NELL2: variants seen among roughly 807,000 people sequenced by gnomAD.
NELL2 encodes the protein neural EGFL like 2, also known as protein kinase C-binding protein NELL2.
Under a neutral mutation model 109.6 loss-of-function variants are expected in NELL2, and 41 were observed. That is an observed-to-expected ratio of 0.37 (90% CI 0.29 to 0.49). The LOEUF (loss-of-function observed/expected upper bound fraction) is 0.49, where lower values mean the gene tolerates loss of function less well. NELL2 is among the 20% of genes least tolerant of loss of function. The pLI is 0.98. For synonymous variants in NELL2, 355 were observed against 344.7 expected (o/e 1.03, Z -0.33); for missense variants, 900 against 1,008.3 (o/e 0.89, Z 1.45).
At position 44,543,935 on chromosome 12, in the gene NELL2, T is replaced by G. The variant is rs530185896; in HGVS notation, c.1664-11214A>C. On this transcript the variant is annotated intron_variant, in intron 15 of 19. Transcript: ENST00000429094. ...TACTTGTCTGTCTAGTAAACAATAT[T>G]TAGCTGGTCACAATGATATAAACAC... is the stretch of plus-strand genomic sequence containing the variant. Among the ~76,000 whole-genome samples, 6 of 152,240 alleles carry G rather than the reference T, an allele frequency of 3.9e-5. No homozygotes were observed. In the South Asian group the frequency reaches 1.2e-3, roughly 32 times the overall value.
At chr12:44,622,597 T>A (rs147053231) in intron 13 of NELL2, among the ~76,000 whole-genome samples, 3 of 152,128 alleles carry the variant, frequency 2.0e-5, no homozygotes, top group Non-Finnish European at 4.4e-5. Context: ...AATATACAAT[T>A]TCCTAAGAAA....
chr12:44,523,252 A>G (rs1266068625), intron 17 of NELL2, 39 bp downstream of exon 17: 6 of 1,605,988 alleles, frequency 3.7e-6, no homozygotes, highest in Non-Finnish European at 5.1e-6. Context: ...GCAAATTACA[A>G]CTGAATAAAA....
chr12:44,582,466 T>C (rs1014138279), intron 15 of NELL2, among the ~76,000 whole-genome samples: 4 of 152,246 alleles, frequency 2.6e-5, no homozygotes, highest in Middle Eastern at 3.4e-3. Flanking sequence ...AGTGGTATTA[T>C]TGATGAACCT....
At chr12:44,914,811 A>C (rs1457773456), upstream of NELL2, among the ~76,000 whole-genome samples, 1 of 152,052 alleles carries the variant, frequency 6.6e-6, no homozygotes, top group Non-Finnish European at 1.5e-5. Flanking sequence ...CATCAGTAAA[A>C]ATGGCATTAA....
intron 12 of NELL2, among the ~76,000 whole-genome samples, chr12:44,693,938 T>C (rs1035509753): frequency 3.9e-5 from 6 of 152,216 alleles, no homozygotes; most frequent in African/African-American, 1.4e-4. Flanking sequence ...AAAGCTGTTT[T>C]ATGTAGCAAC....
intron 15 of NELL2, among the ~76,000 whole-genome samples, chr12:44,546,042 G>T (rs916377227): frequency 6.6e-6 from 1 of 152,064 alleles, no homozygotes; most frequent in Non-Finnish European, 1.5e-5. Flanking sequence ...TGAAGCAAAA[G>T]ACTTTATGCA....
intron 9 of NELL2, among the ~76,000 whole-genome samples, chr12:44,757,036 C>T (rs1309147426): frequency 1.3e-5 from 2 of 152,156 alleles, no homozygotes; most frequent in East Asian, 1.9e-4. Context: ...AATCTAATTG[C>T]CCTCCAGTAT....
At chr12:44,641,868 T>C (rs754667886) in intron 13 of NELL2, among the ~76,000 whole-genome samples, 26 of 151,986 alleles carry the variant, frequency 1.7e-4, no homozygotes, top group Non-Finnish European at 3.1e-4. Flanking sequence ...GGCTAACGTT[T>C]TGCATGTTAG....
At chr12:44,833,567 C>T (rs1943953380) in intron 2 of NELL2, among the ~76,000 whole-genome samples, 1 of 152,136 alleles carries the variant, frequency 6.6e-6, no homozygotes, top group Non-Finnish European at 1.5e-5. Context: ...TAGCCCAAGA[C>T]AGAGAGAAGG....
intron 15 of NELL2, among the ~76,000 whole-genome samples, chr12:44,581,569 AT>A (rs1944323024): frequency 6.6e-6 from 1 of 152,232 alleles, no homozygotes; most frequent in South Asian, 2.1e-4. Flanking sequence ...ACACTTAAAA[AT>A]ATTATGTACA....
intron 15 of NELL2, among the ~76,000 whole-genome samples, chr12:44,576,790 G>A (rs1944103824): frequency 6.6e-6 from 1 of 151,858 alleles, no homozygotes; most frequent in Admixed American, 6.6e-5. Context: ...GTGAGAATAT[G>A]CGGTGTTTGG....
At chr12:44,514,464 T>G (rs1046404707) in intron 19 of NELL2, among the ~76,000 whole-genome samples, 13 of 151,582 alleles carry the variant, frequency 8.6e-5, no homozygotes, top group African/African-American at 3.1e-4. Flanking sequence ...CAGAGAGAGA[T>G]AGAGAGAGAG....
intron 9 of NELL2, among the ~76,000 whole-genome samples, chr12:44,743,517 G>C (rs1406676262): frequency 2.4e-5 from 3 of 127,120 alleles, no homozygotes; most frequent in Non-Finnish European, 5.1e-5. Context: ...AAATTGGATA[G>C]AGTCAAGACC....
In NELL2 at chr12:44,779,969, C is replaced by A. The variant is rs769425547; in HGVS notation, c.389G>T (p.Arg130Leu). The change falls in exon 4 of 20, where the codon CGC (arginine) becomes CTC (leucine). Residue 130 changes from arginine to leucine, a missense_variant. This residue lies in a region of NELL2 where 200 missense variants were observed against 191.8 expected (regional missense o/e 1.04). Coordinates refer to ENST00000429094, the MANE Select transcript of NELL2 (RefSeq NM_001145108.2). The stretch of plus-strand genomic sequence containing the variant: ...TGTGTGAGGGCGGTGACTGCCTGAG[C>A]GGTAATGCAGTCTGACTTCATTCCG... ...GHRNEVRLHY[R>L]SGSHRPHTEV... 5 of 1,613,720 alleles carry A rather than the reference C, an allele frequency of 3.1e-6. No homozygotes were observed. The Admixed American group carries it at 8.3e-5, about 27-fold the overall frequency.
intron 15 of NELL2, among the ~76,000 whole-genome samples, chr12:44,586,524 G>A (rs555810311): frequency 5.9e-5 from 9 of 151,750 alleles, no homozygotes; most frequent in Non-Finnish European, 7.4e-5. Flanking sequence ...TATAATTTTC[G>A]AGTTTCTCCC....
chr12:44,529,387 C>A (rs1203590365), intron 16 of NELL2, among the ~76,000 whole-genome samples: 1 of 152,052 alleles, frequency 6.6e-6, no homozygotes, highest in Non-Finnish European at 1.5e-5. Context: ...CTGTTTTAGT[C>A]GTATTAAGTC....
chr12:44,798,065 T>C (rs1330273178), intron 3 of NELL2, among the ~76,000 whole-genome samples: 1 of 124,012 alleles, frequency 8.1e-6, no homozygotes, highest in Non-Finnish European at 1.8e-5. Context: ...CCATCCTAGA[T>C]GGAATGATGG....
intron 12 of NELL2, among the ~76,000 whole-genome samples, chr12:44,675,559 C>T (rs1948279972): frequency 6.6e-6 from 1 of 152,034 alleles, no homozygotes; most frequent in South Asian, 2.1e-4. Context: ...ATGAGGCCAA[C>T]TTTGTAATTA....
intron 15 of NELL2, among the ~76,000 whole-genome samples, chr12:44,571,800 A>T (rs1943880701): frequency 6.6e-6 from 1 of 152,212 alleles, no homozygotes; most frequent in South Asian, 2.1e-4. Context: ...CAATAATTTG[A>T]CTATAGAACT....
Sources: gnomAD v4.1 joint callset for allele counts (sites outside exome capture counted in the v4.1 genomes callset) on GRCh38, gnomAD v4.1.1 for gene constraint, gnomAD v4.1.1 regional missense constraint, MANE v1.5 for transcripts, NCBI Gene and HGNC (gene_info 2026-07-23, HGNC 2026-07-21) for gene names.